Variants in HVCN1 observed in about 807,000 individuals in gnomAD.
HVCN1 encodes voltage-gated hydrogen channel 1.
In HVCN1, 14 loss-of-function variants were observed where a neutral mutation model predicts 29.2. The ratio of observed to expected loss-of-function variants is 0.48; its 90% CI spans 0.32 to 0.75. The LOEUF is 0.75. HVCN1 is among the 30% of genes least tolerant of loss of function. HVCN1 has a pLI of 0.04. For synonymous variants in HVCN1, 131 were observed against 133.2 expected, an observed-to-expected ratio of 0.98 and a Z score of 0.11; for missense variants, 263 against 341.8, an observed-to-expected ratio of 0.77 and a Z score of 1.82.
chr12:110,655,895 G>T (rs918105580), intron 4 of HVCN1, among the ~76,000 whole-genome samples: 2 of 152,010 alleles, frequency 1.3e-5, no homozygotes, highest in African/African-American at 2.4e-5. Flanking sequence ...AGTAGAGATG[G>T]TGTTTCACCA....
At chr12:110,688,366 C>G (rs1028830950) in intron 2 of HVCN1, 1 of 152,250 alleles carries the variant, frequency 6.6e-6, no homozygotes, top group Non-Finnish European at 1.5e-5. Context: ...CTGCTCTCCC[C>G]TCTCTGTCTT....
In HVCN1 at chr12:110,666,422, AAAAAG is replaced by A. The variant is rs59983139; in HGVS notation, c.22-4979_22-4975del. 7.0e-3 allele frequency among the ~76,000 whole-genome samples: 1,065 copies of A among 151,856 alleles called. 10 individuals carry two copies. Among genetic ancestry groups the A allele is most frequent in the African/African-American group, 0.022 (929 of 41,302 alleles). Reference sequence around the variant, plus strand: ...TGGGCGACAGAGTGAGACTCCGCCTAAAAAGAAAAGAAAAGAAAAGAAAAGAAAAG... The same window carrying A: ...TGGGCGACAGAGTGAGACTCCGCCTAAAAAGAAAAGAAAAGAAAAGAAAAG... On this transcript the variant is annotated intron_variant, in intron 3 of 7. Coordinates refer to ENST00000242607, the MANE Select transcript of HVCN1 (RefSeq NM_032369.4).
At chr12:110,650,796 C>T (rs533957815) in intron 6 of HVCN1, among the ~76,000 whole-genome samples, 2 of 150,772 alleles carry the variant, frequency 1.3e-5, no homozygotes, top group Non-Finnish European at 2.9e-5. Flanking sequence ...TGGGCTCAAG[C>T]AATCCTCCCA....
chr12:110,700,092 T>G (rs890874281), intron 2 of HVCN1, among the ~76,000 whole-genome samples: 1 of 152,206 alleles, frequency 6.6e-6, no homozygotes, highest in Non-Finnish European at 1.5e-5. Context: ...CACACGACAC[T>G]GCTGCTCCCA....
upstream of HVCN1, among the ~76,000 whole-genome samples, chr12:110,690,251 G>GAT (rs1301961340): frequency 1.3e-5 from 2 of 152,304 alleles, no homozygotes; most frequent in African/African-American, 4.8e-5. Context: ...GGAGCCCTGT[G>GAT]ATTATATGGG....
intron 1 of HVCN1, among the ~76,000 whole-genome samples, chr12:110,703,754 G>A (rs572827509): frequency 3.4e-4 from 51 of 151,620 alleles, no homozygotes; most frequent in African/African-American, 1.2e-3. Flanking sequence ...GCATGATCTC[G>A]GCTCACTGCA....
chr12:110,666,353 A>T (rs757125835), intron 3 of HVCN1, among the ~76,000 whole-genome samples: 4 of 151,144 alleles, frequency 2.6e-5, no homozygotes, highest in Middle Eastern at 3.2e-3. Context: ...AACCCAGGAG[A>T]TGGAGGTTGC....
chr12:110,649,493 A>C lies in HVCN1; in HGVS notation c.757-18T>G, dbSNP rs2067680510. The C allele has an allele frequency of 6.3e-7, 1 of 1,584,728 alleles. No individual in the cohort carries two copies. On this transcript the variant is annotated intron_variant, in intron 7 of 7. Coordinates refer to ENST00000242607, the MANE Select transcript of HVCN1 (RefSeq NM_032369.4). The stretch of plus-strand genomic sequence containing the variant: ...TCTTGTTCCTATTGCAAAAGCAGAC[A>C]AACACTGGAATTTACTTTGAGCCTC...
In HVCN1 at chr12:110,661,317, C is replaced by T; in HGVS notation, c.153G>A (p.Glu51=). 1 of 1,614,224 alleles carries T rather than the reference C, an allele frequency of 6.2e-7. No individual in the cohort carries two copies. The highest frequency in any genetic ancestry group is 8.5e-7 in the Non-Finnish European group (1 of 1,180,044). ...NYKKWENEEE[E]EEEEQPPPTP... ...TGGGTGGTGGCTGCTCCTCCTCCTC[C>T]TCCTCCTCTTCATTCTCCCATTTCT... is the stretch of plus-strand genomic sequence containing the variant. Residue 51 remains glutamate (E), a synonymous_variant, in exon 4 of 8, where the codon GAG becomes GAA. Coordinates refer to ENST00000242607, the MANE Select transcript of HVCN1 (RefSeq NM_032369.4). This position sits in a 1 kb window ranked among gnomAD's most constrained non-coding sequence, Gnocchi z 6.2.
chr12:110,662,735 A>C (rs1167812469), intron 3 of HVCN1, among the ~76,000 whole-genome samples: 1 of 152,050 alleles, frequency 6.6e-6, no homozygotes, highest in East Asian at 1.9e-4. Context: ...AAAAACAAAC[A>C]CAAAATGCAT....
Position 110,649,494 on chromosome 12 carries a change from AAC to A in HVCN1, c.757-21_757-20del, listed in dbSNP as rs1200785726. ...CTTGTTCCTATTGCAAAAGCAGACA[AAC>A]ACTGGAATTTACTTTGAGCCTCGCC... On this transcript the variant is annotated intron_variant, in intron 7 of 7. Coordinates refer to ENST00000242607, the MANE Select transcript of HVCN1 (RefSeq NM_032369.4). The A allele has an allele frequency of 1.3e-6, 2 of 1,584,568 alleles. No homozygotes were observed. The highest frequency in any genetic ancestry group is 2.3e-5 in the South Asian group (2 of 88,548).
At chr12:110,659,337 T>A (rs1417616301) in intron 4 of HVCN1, among the ~76,000 whole-genome samples, 1 of 152,194 alleles carries the variant, frequency 6.6e-6, no homozygotes, top group Non-Finnish European at 1.5e-5. Context: ...AAAATAATTT[T>A]TTTCTCTTTT....
chr12:110,695,299 T>C (rs1382876438), intron 2 of HVCN1, among the ~76,000 whole-genome samples: 1 of 151,866 alleles, frequency 6.6e-6, no homozygotes, highest in Non-Finnish European at 1.5e-5. Flanking sequence ...CACACACTTA[T>C]ATATAAACAT....
chr12:110,677,369 T>A (rs916648052), intron 3 of HVCN1, among the ~76,000 whole-genome samples: 2 of 152,156 alleles, frequency 1.3e-5, no homozygotes, highest in Admixed American at 1.3e-4. Context: ...CACAGGACCT[T>A]TGCACACGTG....
intron 2 of HVCN1, among the ~76,000 whole-genome samples, chr12:110,684,928 C>T (rs1021008376): frequency 6.6e-6 from 1 of 152,164 alleles, no homozygotes; most frequent in African/African-American, 2.4e-5. Flanking sequence ...ATACTCTCCC[C>T]CAACCTTTTA....
intron 3 of HVCN1, among the ~76,000 whole-genome samples, chr12:110,679,915 AG>A (rs1380379986): frequency 6.6e-6 from 1 of 151,484 alleles, no homozygotes; most frequent in East Asian, 1.9e-4. Context: ...GGGGGCAGAG[AG>A]GGGCTCTGAG....
chr12:110,691,990 T>C (rs2069414082), upstream of HVCN1, among the ~76,000 whole-genome samples: 1 of 152,218 alleles, frequency 6.6e-6, no homozygotes, highest in Non-Finnish European at 1.5e-5. Context: ...ATTCTCAGCA[T>C]TGTCGTGTTT....
upstream of HVCN1, chr12:110,689,669 C>T (rs907231857): frequency 1.5e-4 from 23 of 152,356 alleles, no homozygotes; most frequent in African/African-American, 5.5e-4. The surrounding 1 kb of genome is among the most constrained non-coding windows in gnomAD (Gnocchi z 5.7). Context: ...CAGAACTTCC[C>T]TTGGTCGAGG....
chr12:110,675,441 AG>A (rs1293234739), intron 3 of HVCN1, among the ~76,000 whole-genome samples: 3 of 152,218 alleles, frequency 2.0e-5, no homozygotes, highest in Non-Finnish European at 4.4e-5. Flanking sequence ...CCTGGGTGAC[AG>A]GGCAAGACTC....
Sources: gnomAD v4.1 joint callset for allele counts (sites outside exome capture counted in the v4.1 genomes callset) on GRCh38, gnomAD v4.1.1 for gene constraint, Gnocchi (gnomAD v3.1) non-coding constraint, MANE v1.5 for transcripts, NCBI Gene and HGNC (gene_info 2026-07-23, HGNC 2026-07-21) for gene names.